SLC44A5: variants seen among roughly 807,000 people sequenced by gnomAD.
The protein encoded by SLC44A5 is choline transporter-like protein 5.
In SLC44A5, 57 loss-of-function variants were observed where a neutral mutation model predicts 101.8. That is an observed-to-expected ratio of 0.56 (90% CI 0.45 to 0.70). The LOEUF (loss-of-function observed/expected upper bound fraction) is 0.70, where lower values mean the gene tolerates loss of function less well. Among genes scored for constraint, SLC44A5 ranks in the 30% least tolerant of loss-of-function variants. The pLI is 0.00. For synonymous variants in SLC44A5, 281 were observed against 290.9 expected (o/e 0.97, Z 0.35); for missense variants, 737 against 853.1 (o/e 0.86, Z 1.70).
At chr1:75,566,169 G>A (rs1452677894) in intron 1 of SLC44A5, among the ~76,000 whole-genome samples, 1 of 152,100 alleles carries the variant, frequency 6.6e-6, no homozygotes, top group East Asian at 1.9e-4. Context: ...AGTGCCCAAT[G>A]ATTAAAGCAC....
At chr1:75,317,753 C>T (rs1295137128) in intron 4 of SLC44A5, among the ~76,000 whole-genome samples, 1 of 152,144 alleles carries the variant, frequency 6.6e-6, no homozygotes, top group Non-Finnish European at 1.5e-5. Flanking sequence ...ACAGCTGCTT[C>T]CTTCTTGCTC....
At chr1:75,711,256 G>A in the SLC44A5 span, among the ~76,000 whole-genome samples, 1 of 152,098 alleles carries the variant, frequency 6.6e-6, no homozygotes, top group Non-Finnish European at 1.5e-5. Flanking sequence ...GAACACAGCT[G>A]CTTGGGGAGC....
the SLC44A5 span, among the ~76,000 whole-genome samples, chr1:75,664,825 G>A: frequency 8.6e-5 from 13 of 151,916 alleles, no homozygotes; most frequent in African/African-American, 2.9e-4. Flanking sequence ...GGAGGCTGAG[G>A]CAGGAGAATG....
At chr1:75,591,903 G>A (rs1570693937) in intron 1 of SLC44A5, among the ~76,000 whole-genome samples, 1 of 151,776 alleles carries the variant, frequency 6.6e-6, no homozygotes, top group East Asian at 1.9e-4. Flanking sequence ...AGCCACATAT[G>A]ACAGATCCAC....
chr1:75,664,202 AC>A, the SLC44A5 span, among the ~76,000 whole-genome samples: 423 of 152,304 alleles, frequency 2.8e-3, no homozygotes, highest in Middle Eastern at 0.014. Context: ...CCAACATCTT[AC>A]TGAATAGGCA....
chr1:75,536,460 G>C (rs1409891948), intron 2 of SLC44A5, among the ~76,000 whole-genome samples: 1 of 151,448 alleles, frequency 6.6e-6, no homozygotes, highest in Non-Finnish European at 1.5e-5. Flanking sequence ...AATTGGCTGG[G>C]CATGGTGGCG....
chr1:75,228,715 ATCTAC>A (rs1443371562), intron 12 of SLC44A5, among the ~76,000 whole-genome samples: 1 of 151,498 alleles, frequency 6.6e-6, no homozygotes, highest in Non-Finnish European at 1.5e-5. Flanking sequence ...TTTTTGAGCA[ATCTAC>A]TCTATTTTTA....
At chr1:75,624,547 T>C in the SLC44A5 span, among the ~76,000 whole-genome samples, 9 of 152,170 alleles carry the variant, frequency 5.9e-5, no homozygotes, top group Non-Finnish European at 1.0e-4. Flanking sequence ...CCCAAAGATA[T>C]CTCTCTAGGG....
chr1:75,246,611 G>C (rs760700800), intron 7 of SLC44A5, among the ~76,000 whole-genome samples: 7 of 152,058 alleles, frequency 4.6e-5, no homozygotes, highest in Non-Finnish European at 1.0e-4. Context: ...TAGTAAATAA[G>C]ATGGTATAAG....
At chr1:75,348,454 T>A (rs1379156952) in intron 3 of SLC44A5, among the ~76,000 whole-genome samples, 1 of 152,084 alleles carries the variant, frequency 6.6e-6, no homozygotes, top group African/African-American at 2.4e-5. Flanking sequence ...TAGAGAGCTA[T>A]CCCTCAGATT....
the SLC44A5 span, among the ~76,000 whole-genome samples, chr1:75,629,607 C>CACAGCGA: frequency 6.6e-6 from 1 of 152,062 alleles, no homozygotes; most frequent in Admixed American, 6.6e-5. Flanking sequence ...CACACTATAG[C>CACAGCGA]ACAGCGAAGA....
chr1:75,569,772 G>A (rs17303921), intron 1 of SLC44A5, among the ~76,000 whole-genome samples: 35,314 of 152,088 alleles, frequency 0.23, 4,390 homozygotes, highest in Admixed American at 0.32. Flanking sequence ...CATTGAAATT[G>A]TAATAAAGAA....
chr1:75,523,222 C>A (rs749476428), intron 2 of SLC44A5, among the ~76,000 whole-genome samples: 1 of 152,190 alleles, frequency 6.6e-6, no homozygotes, highest in Admixed American at 6.5e-5. Context: ...GTAGTACTTA[C>A]CTGTGCCCTT....
intron 13 of SLC44A5, among the ~76,000 whole-genome samples, chr1:75,223,268 CTTCTATATCCT>C (rs1557542984): frequency 6.6e-6 from 1 of 152,168 alleles, no homozygotes; most frequent in African/African-American, 2.4e-5. Flanking sequence ...TGACGAGGCA[CTTCTATATCCT>C]TACAGTAAAT....
chr1:75,591,111 A>G (rs1674327412), intron 1 of SLC44A5, among the ~76,000 whole-genome samples: 1 of 152,166 alleles, frequency 6.6e-6, no homozygotes, highest in Non-Finnish European at 1.5e-5. Context: ...TAGGGGAAAT[A>G]AACAAGAGTC....
At chr1:75,371,622 T>G (rs933980937) in intron 3 of SLC44A5, among the ~76,000 whole-genome samples, 7 of 152,216 alleles carry the variant, frequency 4.6e-5, no homozygotes, top group Non-Finnish European at 7.3e-5. Flanking sequence ...AGTAGCCACT[T>G]TATCTGTTTT....
At chr1:75,497,577 T>C (rs1668742082) in intron 2 of SLC44A5, among the ~76,000 whole-genome samples, 1 of 152,074 alleles carries the variant, frequency 6.6e-6, no homozygotes. Flanking sequence ...ATGAGGACTA[T>C]AGTTAATAGT....
At chr1:75,549,778 T>C (rs573855637) in intron 1 of SLC44A5, among the ~76,000 whole-genome samples, 4 of 152,154 alleles carry the variant, frequency 2.6e-5, no homozygotes, top group South Asian at 2.1e-4. Context: ...ATCTGGAGAT[T>C]TGAAGGATAA....
At chr1:75,417,665 T>C (rs1024220132) in intron 2 of SLC44A5, among the ~76,000 whole-genome samples, 7 of 152,212 alleles carry the variant, frequency 4.6e-5, no homozygotes, top group Non-Finnish European at 1.0e-4. Flanking sequence ...TGACGTTGGA[T>C]ACATGGGTCT....
Sources: allele counts gnomAD v4.1 joint callset (sites outside exome capture counted in the v4.1 genomes callset), GRCh38; gene constraint gnomAD v4.1.1; transcripts MANE v1.5; gene names NCBI Gene and HGNC (gene_info 2026-07-23, HGNC 2026-07-21).